Variants in GABRA3 observed in about 807,000 individuals in gnomAD.
GABRA3 encodes the protein gamma-aminobutyric acid type A receptor subunit alpha3.
A neutral mutation model predicts 30.1 loss-of-function variants in GABRA3; 10 were observed. The observed-to-expected ratio is 0.33, with a 90% CI of 0.20 to 0.56. GABRA3 has a LOEUF of 0.56. Ranked by LOEUF, GABRA3 falls within the 20% of genes least tolerant of loss-of-function variation. The pLI is 0.89. For synonymous variants in GABRA3, 151 were observed against 146.8 expected (o/e 1.03, Z -0.21); for missense variants, 233 against 392.0 (o/e 0.59, Z 3.42).
At chrX:152,376,739 A>G (rs1188246855) in intron 1 of GABRA3, among the ~76,000 whole-genome samples, 1 of 111,853 alleles carries the variant, frequency 8.9e-6, no homozygotes, top group African/African-American at 3.2e-5. Context: ...TTTTTTAATC[A>G]TCTACATTCT....
At chrX:152,195,319 G>A (rs1242925389) in intron 8 of GABRA3, among the ~76,000 whole-genome samples, 1 of 112,093 alleles carries the variant, frequency 8.9e-6, no homozygotes, top group Non-Finnish European at 1.9e-5. Flanking sequence ...ACTAGTAAGT[G>A]TATTTTTCTA....
At chrX:152,331,883 C>T (rs1388370145) in intron 3 of GABRA3, among the ~76,000 whole-genome samples, 1 of 111,761 alleles carries the variant, frequency 8.9e-6, no homozygotes, top group African/African-American at 3.2e-5. Context: ...ATAAACTTAT[C>T]TTTAGGTTTT....
In GABRA3 at chrX:152,333,817, AT is replaced by A. The variant is rs1940195963; in HGVS notation, c.262+11763del. ...AATTAGAACATTCAGTATTATAAAG[AT>A]TTTTTAAAACTCCACAAGTTTACTT... On this transcript the variant is annotated intron_variant, in intron 3 of 9. Coordinates refer to ENST00000370314, the MANE Select transcript of GABRA3 (RefSeq NM_000808.4). Among the ~76,000 whole-genome samples the A allele has an allele frequency of 3.6e-5, 4 of 111,809 alleles. No individual in the cohort carries two copies. In the Admixed American group the frequency reaches 3.8e-4, roughly 11 times the overall value.
chrX:152,297,998 G>A (rs1017253490), intron 3 of GABRA3, among the ~76,000 whole-genome samples: 2 of 112,228 alleles, frequency 1.8e-5, no homozygotes, highest in Non-Finnish European at 3.8e-5. Context: ...TTCCACTGTA[G>A]AGGAATGTCC....
At chrX:152,395,559 G>A (rs1417149857) in intron 1 of GABRA3, among the ~76,000 whole-genome samples, 1 of 111,430 alleles carries the variant, frequency 9.0e-6, no homozygotes, top group Admixed American at 9.6e-5. Flanking sequence ...TAAGATGACA[G>A]TGGTGCAAAA....
intron 4 of GABRA3, among the ~76,000 whole-genome samples, chrX:152,269,622 T>G (rs1157229787): frequency 8.9e-6 from 1 of 112,106 alleles, no homozygotes; most frequent in Non-Finnish European, 1.9e-5. Context: ...CACCACATCA[T>G]GGTGCTGGCA....
intron 1 of GABRA3, among the ~76,000 whole-genome samples, chrX:152,393,056 C>T (rs762858644): frequency 4.5e-5 from 5 of 111,978 alleles, no homozygotes; most frequent in South Asian, 3.8e-4. Flanking sequence ...AATCCCACGA[C>T]ATAAAGTAAA....
intron 5 of GABRA3, among the ~76,000 whole-genome samples, chrX:152,241,718 C>T (rs1353216429): frequency 1.7e-3 from 190 of 109,521 alleles, no homozygotes; most frequent in Non-Finnish European, 2.9e-3. Flanking sequence ...TGCGCCGTTT[C>T]TTAAGCCGGT....
Position 152,280,305 on chromosome X carries a change from A to T in GABRA3, c.330+4363T>A, listed in dbSNP as rs11797186. Among the ~76,000 whole-genome samples, 817 of 111,698 alleles carry T rather than the reference A, an allele frequency of 7.3e-3. 3 individuals are homozygous for T. The highest frequency in any genetic ancestry group is 0.011 in the Non-Finnish European group (573 of 53,124). On this transcript the variant is annotated intron_variant, in intron 4 of 9. Transcript: ENST00000370314. ...GATTCCTTTCTATATTGCATCTGCA[A>T]TGCCATATCCTGTGGAATAAGAATA...
intron 1 of GABRA3, among the ~76,000 whole-genome samples, chrX:152,386,998 G>A (rs1265638168): frequency 9.4e-5 from 10 of 106,523 alleles, no homozygotes; most frequent in Non-Finnish European, 1.7e-4. Context: ...TCCTTTGTAG[G>A]GACATGGATG....
In GABRA3 at chrX:152,168,435, G is replaced by A. The variant is rs1433403839; in HGVS notation, c.1272C>T (p.Ala424=). 14 of 1,211,991 alleles carry A rather than the reference G, an allele frequency of 1.2e-5. No homozygotes were observed. The highest frequency in any genetic ancestry group is 1.6e-5 in the Non-Finnish European group (14 of 895,531). Residue 424 remains alanine (A), a synonymous_variant, in exon 10 of 10, where the codon GCC becomes GCT. Transcript: ENST00000370314. Reference sequence around the variant, plus strand: ...AAGCAATGATTGTTGGGGTTGAGGAGGCACTGGGAGCAGCGCCCTTGGAGA... The same window carrying A: ...AAGCAATGATTGTTGGGGTTGAGGAAGCACTGGGAGCAGCGCCCTTGGAGA... ...STISKGAAPS[A]SSTPTIIASP...
At chrX:152,305,644 T>C (rs1467533207) in intron 3 of GABRA3, among the ~76,000 whole-genome samples, 1 of 111,721 alleles carries the variant, frequency 9.0e-6, no homozygotes, top group Non-Finnish European at 1.9e-5. Flanking sequence ...ATTAAGGAAT[T>C]TTTCCATTCA....
intron 3 of GABRA3, among the ~76,000 whole-genome samples, chrX:152,330,754 C>T (rs1288917724): frequency 1.8e-5 from 2 of 109,083 alleles, no homozygotes; most frequent in Non-Finnish European, 3.8e-5. Flanking sequence ...ATGTAAATGA[C>T]GAGTTAATAG....
intron 2 of GABRA3, among the ~76,000 whole-genome samples, chrX:152,360,460 C>G (rs1473288950): frequency 9.9e-6 from 1 of 100,691 alleles, no homozygotes; most frequent in Non-Finnish European, 2.0e-5. Flanking sequence ...AAAAACCAAA[C>G]ACCGCATATT....
At chrX:152,276,116 C>T (rs1939080299) in intron 4 of GABRA3, among the ~76,000 whole-genome samples, 1 of 110,722 alleles carries the variant, frequency 9.0e-6, no homozygotes, top group Non-Finnish European at 1.9e-5. Context: ...TTATTAAACA[C>T]ACACACACAC....
chrX:152,254,306 C>T, intron 5 of GABRA3, among the ~76,000 whole-genome samples: 1 of 110,787 alleles, frequency 9.0e-6, no homozygotes, highest in East Asian at 2.8e-4. Context: ...TCATTATATT[C>T]GCCTATCTCT....
At chrX:152,389,108 G>A (rs112951641) in intron 1 of GABRA3, among the ~76,000 whole-genome samples, 2,497 of 112,077 alleles carry the variant, frequency 0.022, 33 homozygotes, top group South Asian at 0.058. Context: ...GCTTACTGAA[G>A]TATATGTGTT....
chrX:152,349,091 C>T (rs1054907067), intron 2 of GABRA3, among the ~76,000 whole-genome samples: 56 of 112,077 alleles, frequency 5.0e-4, no homozygotes, highest in Non-Finnish European at 7.0e-4. Context: ...CCTCTTAAAC[C>T]CTGGCACTGC....
At position 152,189,968 on chromosome X, in the gene GABRA3, T is replaced by C. The variant is rs748046661; in HGVS notation, c.932-27A>G. The C allele has an allele frequency of 4.8e-5, 51 of 1,056,269 alleles. No individual in the cohort carries two copies. In the East Asian group the frequency reaches 1.5e-3, roughly 32 times the overall value. 87.0% of individuals were successfully genotyped at this position (1,056,269 alleles called of 1,213,427 possible). On this transcript the variant is annotated intron_variant, in intron 8 of 9. Transcript: ENST00000370314. ...TGAGGAGAGGAAAGATGAGAACCAG[T>C]TGCAACTGGAAGACATTGAGAGCTT...
Sources: gnomAD v4.1 joint callset for allele counts (sites outside exome capture counted in the v4.1 genomes callset) on GRCh38, gnomAD v4.1.1 for gene constraint, MANE v1.5 for transcripts, NCBI Gene and HGNC (gene_info 2026-07-23, HGNC 2026-07-21) for gene names.